The following NF1 variants were observed in gnomAD, a reference collection of about 807,000 sequenced individuals.
NF1 encodes neurofibromin.
Under a neutral mutation model 325.7 loss-of-function variants are expected in NF1, and 122 were observed. The observed-to-expected ratio is 0.37, with a 90% confidence interval of 0.32 to 0.44. The LOEUF (loss-of-function observed/expected upper bound fraction) is 0.44, where lower values mean the gene tolerates loss of function less well. NF1 is among the 20% of genes least tolerant of loss of function. The pLI is 1.00. For synonymous variants in NF1, 1,091 were observed against 1,186.0 expected (o/e 0.92, Z 1.65); for missense variants, 2,140 against 3,415.4 (o/e 0.63, Z 9.31).
intron 13 of NF1, among the ~76,000 whole-genome samples, chr17:31,214,789 T>C (rs1204243735): frequency 6.6e-6 from 1 of 152,234 alleles, no homozygotes; most frequent in Non-Finnish European, 1.5e-5. Flanking sequence ...ATTGCCCTTA[T>C]CATTTCCTAA....
intron 36 of NF1, among the ~76,000 whole-genome samples, chr17:31,276,004 T>C (rs561022471): frequency 8.6e-5 from 13 of 152,044 alleles, no homozygotes; most frequent in Middle Eastern, 6.8e-3. Flanking sequence ...GGTCAGGAGA[T>C]GGAGACCATC....
At chr17:31,292,411 A>G (rs2068361072) in intron 36 of NF1, among the ~76,000 whole-genome samples, 1 of 152,184 alleles carries the variant, frequency 6.6e-6, no homozygotes, top group African/African-American at 2.4e-5. Context: ...AGGAAATACT[A>G]TCTAATTATA....
At chr17:31,318,717 G>C in intron 36 of NF1, 1 of 1,614,070 alleles carries the variant, frequency 6.2e-7, no homozygotes, top group African/African-American at 1.3e-5. Context: ...TGTTGCTGAC[G>C]ACAGAAGGTA....
chr17:31,143,788 A>G (rs1916397191), intron 1 of NF1, among the ~76,000 whole-genome samples: 3 of 151,900 alleles, frequency 2.0e-5, no homozygotes, highest in African/African-American at 4.8e-5. Context: ...GTACTTGGTC[A>G]TGTCTCTTGT....
intron 46 of NF1, 70 bp from the exon 47 acceptor site, chr17:31,340,435 C>T: frequency 6.3e-7 from 1 of 1,591,740 alleles, no homozygotes; most frequent in Non-Finnish European, 8.6e-7. Context: ...TTATTTTTAA[C>T]TGCAGTGTGT....
chr17:31,172,363 C>G (rs924820718), intron 5 of NF1, among the ~76,000 whole-genome samples: 7 of 151,776 alleles, frequency 4.6e-5, no homozygotes, highest in Non-Finnish European at 1.0e-4. Context: ...CTCTCTCTCT[C>G]TCTCTCTCTT....
intron 1 of NF1, among the ~76,000 whole-genome samples, chr17:31,113,929 C>T (rs943032610): frequency 1.2e-4 from 19 of 152,198 alleles, no homozygotes; most frequent in African/African-American, 4.3e-4. Context: ...AGCAGAGTCT[C>T]ATAATTGTAT....
chr17:31,198,604 C>CT (rs143658207), intron 8 of NF1, among the ~76,000 whole-genome samples: 1 of 149,124 alleles, frequency 6.7e-6, no homozygotes, highest in South Asian at 2.1e-4. Context: ...AGTGTCACCA[C>CT]TTTTTTTGTT....
Position 31,189,919 on chromosome 17 carries a change from G to GC in NF1, c.888+7257dup, listed in dbSNP as rs1473229743. Reference sequence around the variant, plus strand: ...TGGAATTACAGGCATGCGCCACCACGCCCGGCTAATTTTGTAGTTTTAGTA... The same window carrying GC: ...TGGAATTACAGGCATGCGCCACCACGCCCCGGCTAATTTTGTAGTTTTAGTA... On this transcript the variant is annotated intron_variant, in intron 8 of 57. Transcript: ENST00000358273. Among the ~76,000 whole-genome samples, 27 of 151,382 alleles carry GC rather than the reference G, an allele frequency of 1.8e-4. 1 individual carries two copies. In the East Asian group the frequency reaches 5.2e-3, roughly 29 times the overall value.
intron 1 of NF1, among the ~76,000 whole-genome samples, chr17:31,146,530 G>A (rs1276496509): frequency 6.6e-6 from 1 of 152,060 alleles, no homozygotes; most frequent in East Asian, 1.9e-4. Context: ...TTGGTCCTTA[G>A]GTTTCTCTGC....
chr17:31,369,470 G>C (rs2070591823), intron 57 of NF1, among the ~76,000 whole-genome samples: 2 of 152,148 alleles, frequency 1.3e-5, no homozygotes, highest in Non-Finnish European at 1.5e-5. Context: ...CTGCATGTTT[G>C]ACCACAGCAT....
rs569756899 is a variant in NF1 at position 31,342,210 on chromosome 17, C to T, written c.7063-799C>T. On this transcript the variant is annotated intron_variant, in intron 47 of 57. Transcript: ENST00000358273. ...GTACATCTGTTTTGGGACTAGAACC[C>T]CTCTGTCCTAATTCTCATTGCCGTT... is the stretch of plus-strand genomic sequence containing the variant. Among the ~76,000 whole-genome samples the T allele has an allele frequency of 1.7e-4, 26 of 152,230 alleles. No homozygotes were observed. The South Asian group carries it at 4.8e-3, about 28-fold the overall frequency.
chr17:31,370,365 A>G (rs925502457), intron 57 of NF1, among the ~76,000 whole-genome samples: 2 of 152,200 alleles, frequency 1.3e-5, no homozygotes, highest in African/African-American at 4.8e-5. Context: ...CCACAATCCT[A>G]TCATTCTAAG....
chr17:31,285,112 C>A (rs907515565), intron 36 of NF1, among the ~76,000 whole-genome samples: 4 of 151,298 alleles, frequency 2.6e-5, no homozygotes, highest in African/African-American at 9.7e-5. Context: ...GCATGAGACT[C>A]CATCTTAATA....
At chr17:31,105,615 A>G (rs1200749442) in intron 1 of NF1, among the ~76,000 whole-genome samples, 1 of 152,148 alleles carries the variant, frequency 6.6e-6, no homozygotes, top group African/African-American at 2.4e-5. Context: ...CCCAGGCTCA[A>G]GCGATTTTCC....
intron 8 of NF1, among the ~76,000 whole-genome samples, chr17:31,192,415 A>G (rs1469611863): frequency 6.6e-6 from 1 of 152,234 alleles, no homozygotes; most frequent in African/African-American, 2.4e-5. Context: ...CTTCCAGGCC[A>G]TAAGTAAATT....
chr17:31,247,195 A>G (rs1276819594), intron 29 of NF1, among the ~76,000 whole-genome samples: 1 of 49,334 alleles, frequency 2.0e-5, no homozygotes, highest in East Asian at 8.8e-4. Context: ...CTCCATCTCA[A>G]AAAAAAAAAA....
At chr17:31,209,740 A>G (rs988376938) in intron 12 of NF1, among the ~76,000 whole-genome samples, 7 of 151,950 alleles carry the variant, frequency 4.6e-5, no homozygotes, top group African/African-American at 1.5e-4. Context: ...TCCAACCTCT[A>G]CCTTCCAGGT....
chr17:31,145,706 G>T (rs760586062), intron 1 of NF1, among the ~76,000 whole-genome samples: 45 of 152,204 alleles, frequency 3.0e-4, no homozygotes, highest in Middle Eastern at 3.4e-3. Context: ...TTCTGAGCAA[G>T]TTGAGAAATG....
Sources: allele counts gnomAD v4.1 joint callset (sites outside exome capture counted in the v4.1 genomes callset), GRCh38; gene constraint gnomAD v4.1.1; transcripts MANE v1.5; gene names NCBI Gene and HGNC (gene_info 2026-07-23, HGNC 2026-07-21).